The following ETNK2 variants were observed in gnomAD, a reference collection of about 807,000 sequenced individuals.
The protein encoded by ETNK2 is ethanolamine kinase 2, also known as ethanolamine kinase-like protein.
A neutral mutation model predicts 46.2 loss-of-function variants in ETNK2; 33 were observed. The ratio of observed to expected loss-of-function variants is 0.71; its 90% CI spans 0.54 to 0.96. The LOEUF (loss-of-function observed/expected upper bound fraction) is 0.96, where lower values mean the gene tolerates loss of function less well. Among genes scored for constraint, ETNK2 ranks in the 40% least tolerant of loss-of-function variants. The probability of loss-of-function intolerance (pLI) is 0.00; values close to 1 mark genes in which losing one functional copy is unlikely to be tolerated. For missense variants in ETNK2, 445 were observed against 509.7 expected, an observed-to-expected ratio of 0.87 and a Z score of 1.22; for synonymous variants, 194 against 209.0, an observed-to-expected ratio of 0.93 and a Z score of 0.62.
At chr1:204,137,036 A>C in intron 6 of ETNK2, 68 bp downstream of exon 6, 3 of 1,580,538 alleles carry the variant, frequency 1.9e-6, no homozygotes, top group Admixed American at 3.4e-5. Flanking sequence ...GTAGGAGGCT[A>C]GGTGGGTCAC....
Position 204,139,910 on chromosome 1 carries a change from C to T in ETNK2, c.868+125G>A, listed in dbSNP as rs557719561. On this transcript the variant is annotated intron_variant, in intron 5 of 7. Coordinates refer to ENST00000367202, the MANE Select transcript of ETNK2 (RefSeq NM_018208.4). ...AACATGTCTAAACATAGAAAAGGTA[C>T]AGTAAAAATATGGTACCTATTACCG... 3.3e-4 allele frequency: 244 copies of T among 747,728 alleles called. No individual in the cohort carries two copies. In the African/African-American group the frequency reaches 3.6e-3, roughly 11 times the overall value. The allele number at this position is 747,728 out of a possible 1,614,324, so 46.3% of individuals were successfully genotyped here.
At chr1:204,136,115 G>T (rs1657270023) in intron 6 of ETNK2, among the ~76,000 whole-genome samples, 1 of 152,144 alleles carries the variant, frequency 6.6e-6, no homozygotes. Flanking sequence ...CACACATATA[G>T]CCAGGCATGG....
At position 204,151,303 on chromosome 1, in the gene ETNK2, C is replaced by T; in HGVS notation, c.258+292G>A. 1.9e-6 allele frequency: 1 copy of T among 529,044 alleles called. No individual in the cohort carries two copies. Among genetic ancestry groups the T allele is most frequent in the South Asian group, 2.2e-5 (1 of 45,426 alleles). 32.8% of individuals were successfully genotyped at this position (529,044 alleles called of 1,614,324 possible). Reference sequence around the variant, plus strand: ...CTGGTCAGCGAGGGGCACCAGCACGCAGCGACAGGGGGTGCGGCCCGCACA... The same window carrying T: ...CTGGTCAGCGAGGGGCACCAGCACGTAGCGACAGGGGGTGCGGCCCGCACA... On this transcript the variant is annotated intron_variant, in intron 1 of 7. Transcript: ENST00000367202. The surrounding 1 kb of genome is among the most constrained non-coding windows in gnomAD (Gnocchi z 8.0).
At chr1:204,138,029 CTCT>C (rs1474349707) in intron 5 of ETNK2, among the ~76,000 whole-genome samples, 6 of 152,188 alleles carry the variant, frequency 3.9e-5, no homozygotes, top group Non-Finnish European at 7.4e-5. Context: ...TCCCTCCTTC[CTCT>C]TCTTCTTGTC....
intron 3 of ETNK2, among the ~76,000 whole-genome samples, chr1:204,143,636 G>A (rs1657652327): frequency 6.6e-6 from 1 of 152,204 alleles, no homozygotes; most frequent in South Asian, 2.1e-4. Context: ...GGAAGGAAGG[G>A]GCTGGAGGTC....
chr1:204,137,438 A>G (rs1357560900), intron 5 of ETNK2, among the ~76,000 whole-genome samples, 189 bp from the exon 6 acceptor site: 2 of 152,154 alleles, frequency 1.3e-5, no homozygotes, highest in African/African-American at 4.8e-5. Flanking sequence ...GGTCTACCCC[A>G]TCCCAGCTAG....
rs1230756547 is a variant in ETNK2, at chr1:204,131,972, C to T, written c.*212G>A. 1.4e-5 allele frequency: 8 copies of T among 577,186 alleles called. No individual in the cohort carries two copies. The highest frequency in any genetic ancestry group is 5.7e-5 in the East Asian group (2 of 34,996). 35.8% of individuals were successfully genotyped at this position (577,186 alleles called of 1,614,324 possible). The stretch of plus-strand genomic sequence containing the variant: ...AGCCTGGTGGGGTGAAGGGGACCCC[C>T]GGAAGGGGGTCCTATCAGCCCCTCC... On this transcript the variant is annotated 3_prime_UTR_variant, in exon 8 of 8. Transcript: ENST00000367202. This position sits in a 1 kb window ranked among gnomAD's most constrained non-coding sequence, Gnocchi z 4.3.
At chr1:204,143,432 G>A (rs866170999) in intron 3 of ETNK2, among the ~76,000 whole-genome samples, 14 of 117,004 alleles carry the variant, frequency 1.2e-4, no homozygotes, top group South Asian at 6.2e-4. Flanking sequence ...CTATCTCCCC[G>A]GGGCCTCCCT....
Position 204,149,979 on chromosome 1 carries a change from A to T in ETNK2, c.259-17T>A, listed in dbSNP as rs759605688. 6 of 414,302 alleles carry T rather than the reference A, an allele frequency of 1.4e-5. No individual in the cohort carries two copies. The allele number at this position is 414,302 out of a possible 1,614,324, so 25.7% of individuals were successfully genotyped here. ...CGTGAAGCGCTAGCATGGGGAGAGG[A>T]CAGTGCGTGGGTGGGTGGGTGGGGC... On this transcript the variant is annotated splice_polypyrimidine_tract_variant and intron_variant, in intron 1 of 7. Transcript: ENST00000367202.
intron 2 of ETNK2, chr1:204,147,496 G>A (rs45596637): frequency 3.0e-5 from 16 of 533,178 alleles, no homozygotes; most frequent in Middle Eastern, 3.2e-4. Context: ...AGACCCCATC[G>A]CCCGAGGCCC....
chr1:204,146,536 C>T, intron 3 of ETNK2, 106 bp downstream of exon 3: 1 of 1,360,148 alleles, frequency 7.4e-7, no homozygotes, highest in Non-Finnish European at 1.0e-6. Context: ...CAGCCTCCTC[C>T]CCGAGACCTA....
In ETNK2 at chr1:204,148,569, GACACACACACAC is replaced by G. The variant is rs61199759; in HGVS notation, c.518+1122_518+1133del. Among the ~76,000 whole-genome samples, 1,320 of 145,292 alleles carry G rather than the reference GACACACACACAC, an allele frequency of 9.1e-3. 15 individuals are homozygous for G. Among genetic ancestry groups the G allele is most frequent in the African/African-American group, 0.028 (1,081 of 39,282 alleles). ...GTCTGTATGCCTCTCACACCCTCAA[GACACACACACAC>G]ACACACACACACACACACACACACA... is the stretch of plus-strand genomic sequence containing the variant. On this transcript the variant is annotated intron_variant, in intron 2 of 7. Coordinates refer to ENST00000367202, the MANE Select transcript of ETNK2 (RefSeq NM_018208.4).
intron 3 of ETNK2, among the ~76,000 whole-genome samples, chr1:204,145,831 CT>C (rs1657759025): frequency 6.6e-6 from 1 of 152,108 alleles, no homozygotes; most frequent in African/African-American, 2.4e-5. Flanking sequence ...TCACTATTGC[CT>C]TTTTTTGGAG....
chr1:204,141,128 T>G, intron 4 of ETNK2, 187 bp downstream of exon 4: 1 of 777,634 alleles, frequency 1.3e-6, no homozygotes, highest in East Asian at 2.8e-5. Flanking sequence ...GACTGGCCCT[T>G]GGCACAGACT....
chr1:204,143,389 G>A (rs766747604), intron 3 of ETNK2, among the ~76,000 whole-genome samples: 30 of 116,470 alleles, frequency 2.6e-4, no homozygotes, highest in Middle Eastern at 4.2e-3. Context: ...CCAAGGCCAC[G>A]CAGATGGTTA....
At position 204,151,180 on chromosome 1, in the gene ETNK2, G is replaced by A. The variant is rs983892041; in HGVS notation, c.258+415C>T. ...TTGCTCCCACCATGGGGTGGAGAAG[G>A]GGCAGCAATGTATGCATGTATGGCT... On this transcript the variant is annotated intron_variant, in intron 1 of 7. Coordinates refer to ENST00000367202, the MANE Select transcript of ETNK2 (RefSeq NM_018208.4). This position sits in a 1 kb window ranked among gnomAD's most constrained non-coding sequence, Gnocchi z 8.0. 7.2e-6 allele frequency: 2 copies of A among 277,066 alleles called. No individual in the cohort carries two copies. The highest frequency in any genetic ancestry group is 2.3e-5 in the African/African-American group (1 of 42,976). The allele number at this position is 277,066 out of a possible 1,614,324, so 17.2% of individuals were successfully genotyped here.
At chr1:204,150,675 A>G (rs983839713) in intron 1 of ETNK2, 1 of 152,980 alleles carries the variant, frequency 6.5e-6, no homozygotes, top group Non-Finnish European at 1.5e-5. Flanking sequence ...AGGGACTGGC[A>G]GATAGCACGT....
In ETNK2 at chr1:204,132,160, G is replaced by T; in HGVS notation, c.*24C>A. 6.5e-7 allele frequency: 1 copy of T among 1,550,080 alleles called. No individual in the cohort carries two copies. The highest frequency in any genetic ancestry group is 8.8e-7 in the Non-Finnish European group (1 of 1,142,658). The stretch of plus-strand genomic sequence containing the variant: ...AGAACAGGTCTGGCCAGACAGATGG[G>T]TAGGGGAGGGATGGGGTGGCTGGTC... On this transcript the variant is annotated 3_prime_UTR_variant, in exon 8 of 8. Transcript: ENST00000367202.
intron 2 of ETNK2, chr1:204,147,466 GAGA>G (rs1657833109): frequency 1.9e-6 from 1 of 533,404 alleles, no homozygotes; most frequent in South Asian, 1.4e-5. Flanking sequence ...TGACCGGTCA[GAGA>G]AGGAGGGCCT....
Sources: gnomAD v4.1 joint callset for allele counts (sites outside exome capture counted in the v4.1 genomes callset) on GRCh38, gnomAD v4.1.1 for gene constraint, Gnocchi (gnomAD v3.1) non-coding constraint, MANE v1.5 for transcripts, NCBI Gene and HGNC (gene_info 2026-07-23, HGNC 2026-07-21) for gene names.